Variants in PIWIL3 observed in about 807,000 individuals in gnomAD.
The protein encoded by PIWIL3 is piwi-like protein 3.
A neutral mutation model predicts 109.7 loss-of-function variants in PIWIL3; 101 were observed. The observed-to-expected ratio is 0.92, with a 90% CI of 0.78 to 1.09. The LOEUF is 1.09. Ranked by LOEUF, PIWIL3 falls within the 50% of genes least tolerant of loss-of-function variation. The pLI is 0.00. For synonymous variants in PIWIL3, 373 were observed against 376.4 expected (o/e 0.99, Z 0.10); for missense variants, 1,031 against 1,072.6 (o/e 0.96, Z 0.54).
chr22:24,727,924 A>G, intron 16 of PIWIL3, 26 bp downstream of exon 16: 1 of 1,565,850 alleles, frequency 6.4e-7, no homozygotes, highest in Non-Finnish European at 8.8e-7. Context: ...GCTACTAACT[A>G]AACATGTCTA....
intron 1 of PIWIL3, among the ~76,000 whole-genome samples, chr22:24,766,836 T>C (rs1463885302): frequency 1.3e-5 from 2 of 152,018 alleles, no homozygotes; most frequent in African/African-American, 4.8e-5. Context: ...CCAGACTCAG[T>C]TGTGCACTGT....
intron 16 of PIWIL3, among the ~76,000 whole-genome samples, 178 bp downstream of exon 16, chr22:24,727,772 C>T (rs1257136463): frequency 6.6e-6 from 1 of 152,190 alleles, no homozygotes; most frequent in Non-Finnish European, 1.5e-5. Context: ...AGCCAGCCAA[C>T]CATGCAAAAT....
At chr22:24,756,117 C>T (rs985492286) in intron 5 of PIWIL3, among the ~76,000 whole-genome samples, 2 of 151,912 alleles carry the variant, frequency 1.3e-5, no homozygotes, top group Admixed American at 1.3e-4. Context: ...TACTTAAGCT[C>T]CTGAAAGCAA....
intron 14 of PIWIL3, among the ~76,000 whole-genome samples, chr22:24,731,173 GA>G: frequency 1.3e-5 from 2 of 152,230 alleles, no homozygotes; most frequent in East Asian, 3.9e-4. Flanking sequence ...GCGGTCTGAA[GA>G]AAATCCCCAG....
chr22:24,723,317 G>T, intron 18 of PIWIL3, 62 bp from the exon 19 acceptor site: 1 of 1,510,236 alleles, frequency 6.6e-7, no homozygotes, highest in Non-Finnish European at 9.1e-7. Context: ...AGTACACAGT[G>T]TATTGAAACA....
rs771642371 is a variant in PIWIL3, at chr22:24,754,219, T to C, written c.774-2A>G. ...CCAAGCCAGATTTCCAAACTGGTAC[T>C]AGAATAAATTACATGAGAGTATTAG... On this transcript the variant is annotated splice_acceptor_variant, in intron 7 of 20. Coordinates refer to ENST00000616349, the MANE Select transcript of PIWIL3 (RefSeq NM_001255975.1). LOFTEE classifies it high-confidence loss of function. 1.2e-6 allele frequency: 2 copies of C among 1,607,468 alleles called. No homozygotes were observed. Among genetic ancestry groups the C allele is most frequent in the Non-Finnish European group, 1.7e-6 (2 of 1,174,062 alleles).
chr22:24,745,717 GAAAA>G (rs71189273), intron 12 of PIWIL3, among the ~76,000 whole-genome samples: 14 of 80,244 alleles, frequency 1.7e-4, no homozygotes, highest in Admixed American at 7.1e-4. Flanking sequence ...GTCAGACTAA[GAAAA>G]AAAAAAAAAA....
Position 24,734,163 on chromosome 22 carries a change from A to G in PIWIL3, c.1635-7T>C. The stretch of plus-strand genomic sequence containing the variant: ...ATCACCATCTACTTCAATCCTAAAA[A>G]ATAAATATAGCATCCACATCCAAAA... On this transcript the variant is annotated splice_region_variant and splice_polypyrimidine_tract_variant and intron_variant, in intron 13 of 20. Coordinates refer to ENST00000616349, the MANE Select transcript of PIWIL3 (RefSeq NM_001255975.1). The G allele has an allele frequency of 6.2e-7, 1 of 1,610,202 alleles. No individual in the cohort carries two copies. Among genetic ancestry groups the G allele is most frequent in the Non-Finnish European group, 8.5e-7 (1 of 1,178,916 alleles).
intron 12 of PIWIL3, among the ~76,000 whole-genome samples, chr22:24,744,060 G>A (rs1175210591): frequency 6.6e-6 from 1 of 151,174 alleles, no homozygotes; most frequent in Non-Finnish European, 1.5e-5. Context: ...AAAGAAAGGA[G>A]GAAGAAGAGA....
chr22:24,748,271 G>A (rs148215889), intron 12 of PIWIL3, among the ~76,000 whole-genome samples: 73 of 152,076 alleles, frequency 4.8e-4, no homozygotes, highest in African/African-American at 1.6e-3. Context: ...TGGTTACAGA[G>A]TCTGGGAAGG....
chr22:24,728,532 A>G (rs1296286381), intron 14 of PIWIL3, 158 bp from the exon 15 acceptor site: 1 of 605,604 alleles, frequency 1.7e-6, no homozygotes, highest in African/African-American at 1.8e-5. Context: ...GTCTAGAGCC[A>G]TGTTATTAAT....
chr22:24,732,288 C>A (rs1232533303), intron 14 of PIWIL3, among the ~76,000 whole-genome samples: 1 of 152,150 alleles, frequency 6.6e-6, no homozygotes. Flanking sequence ...TGTACTGGAA[C>A]AGTTTTATAA....
chr22:24,721,022 A>C (rs1238920093), intron 19 of PIWIL3, among the ~76,000 whole-genome samples: 2 of 152,132 alleles, frequency 1.3e-5, no homozygotes, highest in African/African-American at 2.4e-5. Flanking sequence ...ACTGATCAGC[A>C]TTGCTTCTTG....
At chr22:24,753,985 T>C in intron 8 of PIWIL3, 29 bp downstream of exon 8, 1 of 1,545,602 alleles carries the variant, frequency 6.5e-7, no homozygotes, top group Non-Finnish European at 8.9e-7. Context: ...GTTAAAGTGA[T>C]TGGATAGGTT....
intron 12 of PIWIL3, among the ~76,000 whole-genome samples, chr22:24,741,513 AAAAC>A (rs200759184): frequency 0.035 from 5,333 of 152,296 alleles, 122 homozygotes; most frequent in African/African-American, 0.054. Flanking sequence ...CAAAAAAACA[AAAAC>A]AAACAAACAA....
chr22:24,740,218 C>CAAAAAAAAAAAAAAAAAAAA (rs71189272), intron 12 of PIWIL3, among the ~76,000 whole-genome samples: 28 of 63,890 alleles, frequency 4.4e-4, no homozygotes, highest in African/African-American at 1.7e-3. Flanking sequence ...GAGACTGTCT[C>CAAAAAAAAAAAAAAAAAAAA]AAAAAAAAAA....
intron 1 of PIWIL3, among the ~76,000 whole-genome samples, chr22:24,763,148 C>T (rs1601851787): frequency 1.4e-5 from 2 of 141,700 alleles, no homozygotes; most frequent in South Asian, 2.3e-4. Context: ...ACTTTTTTTT[C>T]TTTTTTTTTT....
chr22:24,771,495 G>T (rs963846864), intron 1 of PIWIL3, among the ~76,000 whole-genome samples: 1 of 137,696 alleles, frequency 7.3e-6, no homozygotes, highest in Non-Finnish European at 1.6e-5. Context: ...AAAAAAAAAA[G>T]AAAGTTACTT....
At chr22:24,771,762 C>A (rs1926145691) in intron 1 of PIWIL3, among the ~76,000 whole-genome samples, 1 of 151,010 alleles carries the variant, frequency 6.6e-6, no homozygotes, top group African/African-American at 2.4e-5. Flanking sequence ...GAGACAGAGT[C>A]TTGCCCTGTC....
Sources: gnomAD v4.1 joint callset for allele counts (sites outside exome capture counted in the v4.1 genomes callset) on GRCh38, gnomAD v4.1.1 for gene constraint, MANE v1.5 for transcripts, NCBI Gene and HGNC (gene_info 2026-07-23, HGNC 2026-07-21) for gene names.